Variants in PARVG observed in about 807,000 individuals in gnomAD.
The protein encoded by PARVG is gamma-parvin.
A neutral mutation model predicts 44.4 loss-of-function variants in PARVG; 36 were observed. The observed-to-expected ratio is 0.81, with a 90% confidence interval of 0.62 to 1.07. The LOEUF is 1.07. Ranked by LOEUF, PARVG falls within the 50% of genes least tolerant of loss-of-function variation. PARVG has a pLI of 0.00. For missense variants in PARVG, 407 were observed against 407.4 expected (o/e 1.00, Z 0.01); for synonymous variants, 170 against 174.1 (o/e 0.98, Z 0.19).
upstream of PARVG, among the ~76,000 whole-genome samples, chr22:44,177,273 A>G (rs529475798): frequency 2.0e-5 from 3 of 152,336 alleles, no homozygotes; most frequent in South Asian, 6.2e-4. Flanking sequence ...CATGCATTAT[A>G]TCCTCTTCAC....
chr22:44,200,823 G>T (rs2054697241), intron 12 of PARVG, among the ~76,000 whole-genome samples: 1 of 152,044 alleles, frequency 6.6e-6, no homozygotes, highest in Admixed American at 6.5e-5. Flanking sequence ...AGCAGGTGAG[G>T]TCCCCCCTGG....
intron 8 of PARVG, among the ~76,000 whole-genome samples, chr22:44,192,439 G>A (rs1009344337): frequency 1.3e-5 from 2 of 152,214 alleles, no homozygotes; most frequent in Non-Finnish European, 2.9e-5. Context: ...AGCTGTAAGA[G>A]TTAGAGGCCC....
At chr22:44,204,842 C>A (rs1163208604) in intron 12 of PARVG, among the ~76,000 whole-genome samples, 1 of 152,210 alleles carries the variant, frequency 6.6e-6, no homozygotes, top group Non-Finnish European at 1.5e-5. Context: ...TTCACCCACA[C>A]CAGGCTGCTG....
intron 3 of PARVG, chr22:44,184,173 G>A (rs1191178590): frequency 1.3e-5 from 2 of 152,484 alleles, no homozygotes; most frequent in African/African-American, 4.8e-5. Flanking sequence ...TTGCAAGGAA[G>A]CAGCGAGATG....
chr22:44,191,306 G>C (rs1487903414), intron 7 of PARVG, among the ~76,000 whole-genome samples: 1 of 151,958 alleles, frequency 6.6e-6, no homozygotes, highest in Non-Finnish European at 1.5e-5. Flanking sequence ...TCATGCATAG[G>C]GGCTTTGTGT....
At chr22:44,190,489 T>C in intron 6 of PARVG, 62 bp from the exon 7 acceptor site, 9 of 1,256,152 alleles carry the variant, frequency 7.2e-6, no homozygotes, top group Non-Finnish European at 1.1e-5. Flanking sequence ...TGAGGAAGCC[T>C]CCATTTGGCT....
chr22:44,186,981 C>A (rs147477860), intron 4 of PARVG: 92 of 285,976 alleles, frequency 3.2e-4, no homozygotes, highest in Non-Finnish European at 5.1e-4. Context: ...GGCACTCTGA[C>A]CTTTTGAGCA....
At chr22:44,191,388 ATT>A (rs35954868) in intron 7 of PARVG, among the ~76,000 whole-genome samples, 48 of 63,462 alleles carry the variant, frequency 7.6e-4, no homozygotes, top group East Asian at 1.2e-3. Flanking sequence ...AGTCATTTCT[ATT>A]TTTTTTTTTT....
In PARVG at chr22:44,206,873, C is replaced by A; in HGVS notation, c.*447C>A. ...GCTCCCCACACCCACCTGCTTCTCA[C>A]TCGGGAGGATGGGCCCCAGAGTCAC... On this transcript the variant is annotated 3_prime_UTR_variant, in exon 14 of 14. Transcript: ENST00000444313. The A allele has an allele frequency of 5.4e-6, 1 of 186,250 alleles. No homozygotes were observed. Among genetic ancestry groups the A allele is most frequent in the Non-Finnish European group, 1.1e-5 (1 of 90,968 alleles). 11.5% of individuals were successfully genotyped at this position (186,250 alleles called of 1,614,324 possible).
chr22:44,174,767 G>A (rs1162807152), intron 1 of PARVG, among the ~76,000 whole-genome samples: 1 of 152,002 alleles, frequency 6.6e-6, no homozygotes, highest in Non-Finnish European at 1.5e-5. Flanking sequence ...AGGTGATATA[G>A]GATGGTTCTG....
chr22:44,193,493 G>C (rs114428461), intron 8 of PARVG, among the ~76,000 whole-genome samples: 1 of 152,156 alleles, frequency 6.6e-6, no homozygotes, highest in Non-Finnish European at 1.5e-5. Context: ...GTGAGCTTAC[G>C]ATTTGTGCAC....
intron 11 of PARVG, 85 bp from the exon 12 acceptor site, chr22:44,198,535 TC>T: frequency 1.0e-6 from 1 of 1,001,422 alleles, no homozygotes; most frequent in Non-Finnish European, 1.6e-6. Context: ...TTGTATGACT[TC>T]CTTAGGGCCA....
chr22:44,203,900 A>G (rs2054744210), intron 12 of PARVG, among the ~76,000 whole-genome samples: 1 of 152,192 alleles, frequency 6.6e-6, no homozygotes, highest in South Asian at 2.1e-4. Context: ...GATGGAGTGC[A>G]GTGGTGCAAT....
chr22:44,192,780 T>C (rs936812297), intron 8 of PARVG, among the ~76,000 whole-genome samples: 1 of 149,964 alleles, frequency 6.7e-6, no homozygotes, highest in Non-Finnish European at 1.5e-5. Context: ...GGCCATACTG[T>C]TCCCCACCCA....
intron 1 of PARVG, among the ~76,000 whole-genome samples, chr22:44,174,359 C>T (rs544649759): frequency 6.0e-4 from 91 of 152,156 alleles, no homozygotes; most frequent in African/African-American, 8.7e-4. Context: ...TCAGGTGCAC[C>T]GGAGTAGGGA....
chr22:44,176,552 A>G (rs1601722789), upstream of PARVG, among the ~76,000 whole-genome samples: 2 of 152,090 alleles, frequency 1.3e-5, no homozygotes, highest in Admixed American at 1.3e-4. Flanking sequence ...TACTTCAAGC[A>G]TCTGAAGGAG....
intron 12 of PARVG, among the ~76,000 whole-genome samples, chr22:44,199,394 T>C (rs2054675103): frequency 6.6e-6 from 1 of 151,966 alleles, no homozygotes; most frequent in African/African-American, 2.4e-5. Flanking sequence ...ATCCACCCAA[T>C]TTACCCATAC....
At chr22:44,190,908 A>T (rs536129675) in intron 7 of PARVG, among the ~76,000 whole-genome samples, 27 of 152,296 alleles carry the variant, frequency 1.8e-4, no homozygotes, top group African/African-American at 6.3e-4. Flanking sequence ...ACGGCTGGCC[A>T]GCTCCACTTG....
chr22:44,191,202 C>T (rs2054543531), intron 7 of PARVG, among the ~76,000 whole-genome samples: 1 of 151,988 alleles, frequency 6.6e-6, no homozygotes, highest in African/African-American at 2.4e-5. Flanking sequence ...TCCACGACTT[C>T]CCTCTCCAGA....
Sources: gnomAD v4.1 joint callset for allele counts (sites outside exome capture counted in the v4.1 genomes callset) on GRCh38, gnomAD v4.1.1 for gene constraint, MANE v1.5 for transcripts, NCBI Gene and HGNC (gene_info 2026-07-23, HGNC 2026-07-21) for gene names.